The following VPS13B variants were observed in gnomAD, a reference collection of about 807,000 sequenced individuals.
VPS13B encodes the protein vacuolar protein sorting 13 homolog B, also known as intermembrane lipid transfer protein VPS13B.
In VPS13B, 285 loss-of-function variants were observed where a neutral mutation model predicts 426.4. The observed-to-expected ratio is 0.67, with a 90% CI of 0.61 to 0.74. The LOEUF is 0.74. Ranked by LOEUF, VPS13B falls within the 30% of genes least tolerant of loss-of-function variation. The pLI is 0.00. For synonymous variants in VPS13B, 1,676 were observed against 1,676.4 expected, an observed-to-expected ratio of 1.00 and a Z score of 0.01; for missense variants, 4,537 against 4,782.6, an observed-to-expected ratio of 0.95 and a Z score of 1.51.
intron 34 of VPS13B, among the ~76,000 whole-genome samples, chr8:99,652,236 T>G (rs1006384908): frequency 6.6e-6 from 1 of 152,136 alleles, no homozygotes; most frequent in African/African-American, 2.4e-5. Context: ...CTGATTCTAC[T>G]CCTTACAGCT....
chr8:99,349,097 G>A (rs538923839), intron 19 of VPS13B, among the ~76,000 whole-genome samples: 2 of 151,252 alleles, frequency 1.3e-5, no homozygotes, highest in Non-Finnish European at 2.9e-5. Flanking sequence ...ACTTTGGGAG[G>A]CCGAGGCGGG....
intron 30 of VPS13B, among the ~76,000 whole-genome samples, chr8:99,528,725 A>G (rs1822775584): frequency 6.6e-6 from 1 of 152,158 alleles, no homozygotes; most frequent in South Asian, 2.1e-4. Flanking sequence ...GAATGATCCC[A>G]GAAGTTCCAT....
intron 58 of VPS13B, among the ~76,000 whole-genome samples, chr8:99,866,056 C>T (rs1358002277): frequency 6.6e-6 from 1 of 152,192 alleles, no homozygotes; most frequent in Non-Finnish European, 1.5e-5. Flanking sequence ...TCCTGGAAAC[C>T]CCTCCCAGTC....
At chr8:99,759,405 A>G (rs1376131129) in intron 39 of VPS13B, among the ~76,000 whole-genome samples, 3 of 152,152 alleles carry the variant, frequency 2.0e-5, no homozygotes, top group Non-Finnish European at 4.4e-5. Flanking sequence ...TCATCAGCTC[A>G]CCATTTTCAT....
intron 40 of VPS13B, among the ~76,000 whole-genome samples, chr8:99,771,518 G>GA (rs1811487666): frequency 6.6e-6 from 1 of 152,146 alleles, no homozygotes; most frequent in African/African-American, 2.4e-5. Context: ...TCATATTTGG[G>GA]AATCTTTGAG....
chr8:99,303,018 C>T (rs895663547), intron 19 of VPS13B, among the ~76,000 whole-genome samples: 15 of 151,678 alleles, frequency 9.9e-5, no homozygotes, highest in Admixed American at 2.0e-4. Flanking sequence ...GGTGGCTCAC[C>T]GCCTGTAATC....
intron 25 of VPS13B, among the ~76,000 whole-genome samples, chr8:99,489,688 G>T (rs554030508): frequency 6.6e-6 from 1 of 152,150 alleles, no homozygotes; most frequent in Non-Finnish European, 1.5e-5. Flanking sequence ...GTTCACTCAT[G>T]ATTTGGCTCT....
chr8:99,872,304 GTCTC>G (rs959231944), intron 61 of VPS13B, among the ~76,000 whole-genome samples: 1 of 152,168 alleles, frequency 6.6e-6, no homozygotes, highest in African/African-American at 2.4e-5. Context: ...TTGTGAAGTG[GTCTC>G]TCTCTCAAAT....
intron 19 of VPS13B, among the ~76,000 whole-genome samples, chr8:99,294,424 A>C: frequency 7.1e-6 from 1 of 141,808 alleles, no homozygotes; most frequent in Non-Finnish European, 1.5e-5. Context: ...TAGCATTGGG[A>C]GATATACCTA....
intron 28 of VPS13B, among the ~76,000 whole-genome samples, chr8:99,510,818 A>C (rs1056908209): frequency 6.6e-6 from 1 of 152,054 alleles, no homozygotes; most frequent in African/African-American, 2.4e-5. Flanking sequence ...TCAAATTCTT[A>C]ATGTTACAGA....
intron 19 of VPS13B, among the ~76,000 whole-genome samples, chr8:99,290,786 T>TAAG: frequency 6.6e-6 from 1 of 152,176 alleles, no homozygotes; most frequent in Non-Finnish European, 1.5e-5. Context: ...AAGTCATGTC[T>TAAG]AAGATGAGTC....
chr8:99,726,064 T>C (rs1409459255), intron 39 of VPS13B, among the ~76,000 whole-genome samples: 1 of 152,218 alleles, frequency 6.6e-6, no homozygotes, highest in Non-Finnish European at 1.5e-5. Flanking sequence ...TCCATGATTG[T>C]TGATGAGATT....
chr8:99,762,951 A>G (rs1811008084), intron 39 of VPS13B, among the ~76,000 whole-genome samples: 1 of 151,866 alleles, frequency 6.6e-6, no homozygotes, highest in Non-Finnish European at 1.5e-5. Context: ...TAGCCTGGGC[A>G]ACAGAGGGAG....
chr8:99,231,389 C>T (rs1263509684), intron 17 of VPS13B, among the ~76,000 whole-genome samples: 2 of 152,048 alleles, frequency 1.3e-5, no homozygotes, highest in Non-Finnish European at 2.9e-5. Context: ...ACGGCTTGCT[C>T]ACATAAACCA....
chr8:99,569,253 C>A (rs1361005477), intron 31 of VPS13B, among the ~76,000 whole-genome samples: 1 of 151,636 alleles, frequency 6.6e-6, no homozygotes, highest in Non-Finnish European at 1.5e-5. Context: ...CATGGCGAAA[C>A]CCCGTCTCTA....
intron 19 of VPS13B, among the ~76,000 whole-genome samples, chr8:99,349,332 CAAAAA>C (rs35441676): frequency 1.5e-4 from 7 of 47,732 alleles, no homozygotes; most frequent in African/African-American, 6.1e-4. Flanking sequence ...GACTCCGTCT[CAAAAA>C]AAAAAAAAAA....
intron 24 of VPS13B, among the ~76,000 whole-genome samples, chr8:99,478,447 G>GTTTTGTTTTTTTTTTTTTTTTTTTTTTT: frequency 1.2e-5 from 1 of 85,778 alleles, no homozygotes; most frequent in Non-Finnish European, 2.1e-5. Flanking sequence ...TTTTTGTTTT[G>GTTTTGTTTTTTTTTTTTTTTTTTTTTTT]TTTTTTTTTT....
intron 30 of VPS13B, 149 bp downstream of exon 30, chr8:99,521,159 G>A: frequency 2.9e-6 from 2 of 679,006 alleles, no homozygotes; most frequent in Non-Finnish European, 5.0e-6. Flanking sequence ...TTCTTCAGTT[G>A]TGGGTTTTTT....
rs1285428195 is a variant in VPS13B, at chr8:99,501,895, T to C, written c.4042+37T>C. The C allele has an allele frequency of 1.2e-5, 18 of 1,482,670 alleles. No individual in the cohort carries two copies. In the African/African-American group the frequency reaches 1.3e-4, roughly 11 times the overall value. The allele number at this position is 1,482,670 out of a possible 1,614,324, so 91.8% of individuals were successfully genotyped here. ...CTTTTCTTTCTTCCCTCCCTCCCTC[T>C]GTCCCTCCCTCCCTCCCTCCCTCCC... is the stretch of plus-strand genomic sequence containing the variant. On this transcript the variant is annotated intron_variant, in intron 26 of 61. Transcript: ENST00000357162.
Sources: gnomAD v4.1 joint callset for allele counts (sites outside exome capture counted in the v4.1 genomes callset) on GRCh38, gnomAD v4.1.1 for gene constraint, MANE v1.5 for transcripts, NCBI Gene and HGNC (gene_info 2026-07-23, HGNC 2026-07-21) for gene names.